The following C6orf132 variants were observed in gnomAD, a reference collection of about 807,000 sequenced individuals.
C6orf132 encodes the protein chromosome 6 open reading frame 132, also known as uncharacterized protein C6orf132.
In C6orf132, 43 loss-of-function variants were observed where a neutral mutation model predicts 65.3. The ratio of observed to expected loss-of-function variants is 0.66; its 90% CI spans 0.52 to 0.85. C6orf132 has a LOEUF of 0.85. Among genes scored for constraint, C6orf132 ranks in the 40% least tolerant of loss-of-function variants. The pLI is 0.00. For synonymous variants in C6orf132, 631 were observed against 654.1 expected (o/e 0.96, Z 0.54); for missense variants, 1,488 against 1,548.8 (o/e 0.96, Z 0.66).
intron 2 of C6orf132, among the ~76,000 whole-genome samples, chr6:42,117,767 C>CA (rs2127475822): frequency 6.6e-6 from 1 of 151,596 alleles, no homozygotes; most frequent in African/African-American, 2.4e-5. Flanking sequence ...ACTAACAATA[C>CA]AAAAAAATTA....
In C6orf132 at chr6:42,106,456, G is replaced by A. The variant is rs774179050; in HGVS notation, c.1456C>T (p.Arg486Ter). The A allele has an allele frequency of 1.2e-5, 19 of 1,536,262 alleles. No homozygotes were observed. The African/African-American group carries it at 1.5e-4, about 12-fold the overall frequency. ...GGGCCTGGCCTGTGACTGAGGAATC[G>A]GTCCTCTCTCCTGGAGCCACAGAGA... ...AYLCGSRREDRFLSHRPGPTV... is the reference protein window; with the variant it reads ...AYLCGSRRED The change falls in exon 4 of 5, where the codon CGA becomes TGA. Residue 486 changes from arginine to a stop codon, truncating the protein, a stop_gained. Coordinates refer to ENST00000341865, the MANE Select transcript of C6orf132 (RefSeq NM_001164446.3). LOFTEE classifies it high-confidence loss of function.
intron 1 of C6orf132, among the ~76,000 whole-genome samples, chr6:42,138,870 C>CAT (rs1766992209): frequency 6.6e-6 from 1 of 151,936 alleles, no homozygotes; most frequent in African/African-American, 2.4e-5. Flanking sequence ...CACACACACA[C>CAT]ACACACACAC....
At chr6:42,132,524 TAAGAAG>T (rs368964447) in intron 1 of C6orf132, among the ~76,000 whole-genome samples, 4 of 143,578 alleles carry the variant, frequency 2.8e-5, no homozygotes, top group African/African-American at 8.3e-5. Context: ...CAAAAAATAA[TAAGAAG>T]AAGAAGAAGA....
At chr6:42,122,211 A>C (rs1302720277) in intron 2 of C6orf132, among the ~76,000 whole-genome samples, 1 of 152,174 alleles carries the variant, frequency 6.6e-6, no homozygotes, top group African/African-American at 2.4e-5. Context: ...GACCCAGGTT[A>C]CCACAGCTTC....
intron 1 of C6orf132, among the ~76,000 whole-genome samples, chr6:42,132,856 C>CAAA (rs529784118): frequency 2.6e-4 from 24 of 91,832 alleles, no homozygotes; most frequent in Non-Finnish European, 3.8e-4. Context: ...GACTCTGTCT[C>CAAA]AAAAAAAAAA....
intron 2 of C6orf132, among the ~76,000 whole-genome samples, chr6:42,115,056 TTTGGGAGGCTGAGG>T (rs1444379129): frequency 7.2e-6 from 1 of 138,648 alleles, no homozygotes; most frequent in African/African-American, 2.7e-5. Flanking sequence ...ATCCCAGAAC[TTTGGGAGGCTGAGG>T]TGGGCAGATC....
At chr6:42,133,441 G>A (rs1445706569) in intron 1 of C6orf132, among the ~76,000 whole-genome samples, 1 of 152,224 alleles carries the variant, frequency 6.6e-6, no homozygotes, top group Non-Finnish European at 1.5e-5. Flanking sequence ...CACAGAGGCA[G>A]CATTGGAACA....
At position 42,107,093 on chromosome 6, in the gene C6orf132, T is replaced by C; in HGVS notation, c.819A>G (p.Arg273=). Residue 273 remains arginine (R), a synonymous_variant, in exon 4 of 5, where the codon AGA becomes AGG. Transcript: ENST00000341865. ...ALNGRQAEAT[R]ASPPRSPAEP... Reference sequence around the variant, plus strand: ...CAGCAGGGCTTCTCGGGGGGCTGGCTCTGGTGGCCTCTGCCTGCCTGCCAT... The same window carrying C: ...CAGCAGGGCTTCTCGGGGGGCTGGCCCTGGTGGCCTCTGCCTGCCTGCCAT... 6.8e-7 allele frequency: 1 copy of C among 1,461,554 alleles called. No individual in the cohort carries two copies. The highest frequency in any genetic ancestry group is 9.0e-7 in the Non-Finnish European group (1 of 1,110,370). 90.5% of individuals were successfully genotyped at this position (1,461,554 alleles called of 1,614,324 possible). A position where few individuals can be genotyped will look rare whatever the true frequency, so the allele number is the denominator to read the frequency against.
Position 42,104,779 on chromosome 6 carries a change from A to C in C6orf132, c.3133T>G (p.Tyr1045Asp), listed in dbSNP as rs1468115556. 1 of 1,500,198 alleles carries C rather than the reference A, an allele frequency of 6.7e-7. No homozygotes were observed. Among genetic ancestry groups the C allele is most frequent in the East Asian group, 2.5e-5 (1 of 39,862 alleles). The allele number at this position is 1,500,198 out of a possible 1,614,324, so 92.9% of individuals were successfully genotyped here. A position where few individuals can be genotyped will look rare whatever the true frequency, so the allele number is the denominator to read the frequency against. The change falls in exon 4 of 5, where the codon TAC becomes GAC. Residue 1045 changes from tyrosine (Y) to aspartate (D), a missense_variant. By Grantham distance (160) the Tyr-to-Asp change is radical (BLOSUM62 -3). Transcript: ENST00000341865. This position sits in a 1 kb window ranked among gnomAD's most constrained non-coding sequence, Gnocchi z 4.1. ...GFSRFPAGAR[Y>D]AGAGGLERFS... ...CGCTCCAGGCCCCCAGCCCCGGCGT[A>C]GCGCGCGCCCGCGGGAAAGCGCGAG... is the stretch of plus-strand genomic sequence containing the variant.
At chr6:42,112,690 G>A (rs572675466) in intron 2 of C6orf132, among the ~76,000 whole-genome samples, 1 of 152,314 alleles carries the variant, frequency 6.6e-6, no homozygotes, top group East Asian at 1.9e-4. Flanking sequence ...TTGTCCTCTA[G>A]TTCCTTCAGT....
intron 2 of C6orf132, among the ~76,000 whole-genome samples, chr6:42,127,369 C>T (rs1429176514): frequency 6.6e-6 from 1 of 152,166 alleles, no homozygotes; most frequent in East Asian, 1.9e-4. Flanking sequence ...GTGCTCAGCC[C>T]TCCACAGAGA....
intron 1 of C6orf132, among the ~76,000 whole-genome samples, chr6:42,137,067 T>A (rs1766955733): frequency 6.6e-6 from 1 of 152,184 alleles, no homozygotes; most frequent in Non-Finnish European, 1.5e-5. Flanking sequence ...GATGACTGGG[T>A]GCACTTTGAT....
At chr6:42,119,577 C>A (rs1766646853) in intron 2 of C6orf132, among the ~76,000 whole-genome samples, 1 of 151,438 alleles carries the variant, frequency 6.6e-6, no homozygotes, top group African/African-American at 2.4e-5. Context: ...GAACTCCTGG[C>A]CTCCAGTGAT....
chr6:42,121,343 C>G (rs528587617), intron 2 of C6orf132, among the ~76,000 whole-genome samples: 1 of 152,298 alleles, frequency 6.6e-6, no homozygotes, highest in African/African-American at 2.4e-5. Context: ...CTATTGACTG[C>G]TAACATTTCA....
At chr6:42,136,010 A>C (rs1766935243) in intron 1 of C6orf132, among the ~76,000 whole-genome samples, 2 of 152,316 alleles carry the variant, frequency 1.3e-5, no homozygotes, top group South Asian at 4.2e-4. Context: ...GAGACTTGAA[A>C]GTTGGTAAGG....
chr6:42,132,789 A>G (rs1056597845), intron 1 of C6orf132, among the ~76,000 whole-genome samples: 5 of 150,178 alleles, frequency 3.3e-5, no homozygotes, highest in African/African-American at 4.9e-5. Context: ...CCCGGGAAGC[A>G]GAGGTTGTAG....
At position 42,104,692 on chromosome 6, in the gene C6orf132, C is replaced by A; in HGVS notation, c.3220G>T (p.Gly1074Cys). ...KRLYVGEPHR[G>C]PGLPHGGTGR... ...GTGCCACCGTGGGGTAGCCCTGGGC[C>A]TCGGTGCGGCTCCCCGACGTACAGG... Residue 1074 changes from glycine to cysteine, a missense_variant, in exon 4 of 5, where the codon GGC becomes TGC. Transcript: ENST00000341865. The surrounding 1 kb of genome is among the most constrained non-coding windows in gnomAD (Gnocchi z 4.1). 1 of 1,517,388 alleles carries A rather than the reference C, an allele frequency of 6.6e-7. No individual in the cohort carries two copies. Among genetic ancestry groups the A allele is most frequent in the Non-Finnish European group, 8.8e-7 (1 of 1,139,242 alleles). The allele number at this position is 1,517,388 out of a possible 1,614,324, so 94.0% of individuals were successfully genotyped here.
intron 1 of C6orf132, among the ~76,000 whole-genome samples, chr6:42,140,206 C>T (rs1439006257): frequency 6.6e-6 from 1 of 152,280 alleles, no homozygotes; most frequent in African/African-American, 2.4e-5. Context: ...AGGAGCTGTC[C>T]TTTGGACTCC....
At chr6:42,120,069 G>A (rs1331584337) in intron 2 of C6orf132, among the ~76,000 whole-genome samples, 1 of 151,476 alleles carries the variant, frequency 6.6e-6, no homozygotes, top group African/African-American at 2.4e-5. Context: ...ACCCCAGCCT[G>A]GGCAACAAGA....
Sources: gnomAD v4.1 joint callset for allele counts (sites outside exome capture counted in the v4.1 genomes callset) on GRCh38, gnomAD v4.1.1 for gene constraint, Gnocchi (gnomAD v3.1) non-coding constraint, MANE v1.5 for transcripts, NCBI Gene and HGNC (gene_info 2026-07-23, HGNC 2026-07-21) for gene names.